CDYL2: variants seen among roughly 807,000 people sequenced by gnomAD.
The protein encoded by CDYL2 is chromodomain Y like 2, also known as chromodomain Y-like protein 2.
CDYL2 carries 23 observed loss-of-function variants against 49.4 expected under a neutral mutation model. The ratio of observed to expected loss-of-function variants is 0.47; its 90% CI spans 0.34 to 0.66. CDYL2 has a LOEUF of 0.66. CDYL2 is among the 30% of genes least tolerant of loss of function. The probability of loss-of-function intolerance (pLI) is 0.01; values close to 1 mark genes in which losing one functional copy is unlikely to be tolerated. For synonymous variants in CDYL2, 360 were observed against 268.8 expected, an observed-to-expected ratio of 1.34 and a Z score of -3.32; for missense variants, 678 against 656.4, an observed-to-expected ratio of 1.03 and a Z score of -0.36.
chr16:80,746,043 G>C (rs936110059), intron 1 of CDYL2, among the ~76,000 whole-genome samples: 2 of 152,158 alleles, frequency 1.3e-5, no homozygotes, highest in Non-Finnish European at 2.9e-5. Context: ...CCACACACAG[G>C]TCCTTGGAAT....
chr16:80,640,675 G>A (rs1376981085), intron 2 of CDYL2, among the ~76,000 whole-genome samples: 1 of 152,166 alleles, frequency 6.6e-6, no homozygotes, highest in Non-Finnish European at 1.5e-5. Context: ...TAGCTGTTCT[G>A]AGGAAACTCA....
At position 80,604,459 on chromosome 16, in the gene CDYL2, G is replaced by T. The variant is rs767402697; in HGVS notation, c.1450C>A (p.Gln484Lys). ...AGGCCTTTGGAGGAGCTCCAGAGCT[G>T]CTTGAGCATGAGGCATTCCTTCTCG... ...VNEKECLMLK[Q>K]LWSSSKGLDS... The change falls in exon 7 of 7, where the codon CAG becomes AAG. Residue 484 changes from glutamine (Q) to lysine (K), a missense_variant. Gln to Lys is a moderately conservative substitution (Grantham distance 53). Transcript: ENST00000570137. The T allele has an allele frequency of 6.2e-7, 1 of 1,614,172 alleles. No individual in the cohort carries two copies. The highest frequency in any genetic ancestry group is 8.5e-7 in the Non-Finnish European group (1 of 1,180,016).
rs553085600 is a variant in CDYL2 at position 80,735,415 on chromosome 16, T to C, written c.25-50286A>G. ...CTCTATGCATCAGTTTCCTCATCTG[T>C]AAAATGAAGTTAATAATAACCACGA... is the stretch of plus-strand genomic sequence containing the variant. On this transcript the variant is annotated intron_variant, in intron 1 of 6. Transcript: ENST00000570137. 3.3e-5 allele frequency among the ~76,000 whole-genome samples: 5 copies of C among 152,360 alleles called. No homozygotes were observed. The South Asian group carries it at 1.0e-3, about 32-fold the overall frequency.
intron 3 of CDYL2, 21 bp from the exon 4 acceptor site, chr16:80,620,956 G>A: frequency 6.3e-7 from 1 of 1,576,142 alleles, no homozygotes; most frequent in Non-Finnish European, 8.6e-7. Flanking sequence ...AGATGAATTT[G>A]CAGGGATGTT....
At chr16:80,705,500 G>A (rs896943817) in intron 1 of CDYL2, among the ~76,000 whole-genome samples, 2 of 152,266 alleles carry the variant, frequency 1.3e-5, no homozygotes, top group African/African-American at 4.8e-5. Context: ...TAGCCCAGCT[G>A]TAGAAGGCAC....
chr16:80,802,642 C>G (rs1907960471), intron 1 of CDYL2, among the ~76,000 whole-genome samples: 1 of 152,080 alleles, frequency 6.6e-6, no homozygotes, highest in Non-Finnish European at 1.5e-5. Context: ...CTAAGGTCTC[C>G]CACCCACCCC....
intron 2 of CDYL2, among the ~76,000 whole-genome samples, chr16:80,679,306 G>A (rs1353289728): frequency 1.3e-5 from 2 of 151,636 alleles, no homozygotes; most frequent in African/African-American, 4.9e-5. Flanking sequence ...AAACAAGGAG[G>A]GTGTCAAAGA....
intron 1 of CDYL2, among the ~76,000 whole-genome samples, chr16:80,723,349 C>T (rs939757331): frequency 1.1e-4 from 17 of 152,220 alleles, no homozygotes; most frequent in African/African-American, 4.1e-4. Context: ...GGGCTTGCAG[C>T]GCTGAGGAGC....
chr16:80,727,608 G>T (rs937665553), intron 1 of CDYL2, among the ~76,000 whole-genome samples: 2 of 152,236 alleles, frequency 1.3e-5, no homozygotes, highest in African/African-American at 4.8e-5. Flanking sequence ...AGCTCAAGGA[G>T]GCCTGCCTGC....
At chr16:80,786,429 A>G (rs1184342710) in intron 1 of CDYL2, among the ~76,000 whole-genome samples, 2 of 152,250 alleles carry the variant, frequency 1.3e-5, no homozygotes, top group Non-Finnish European at 2.9e-5. Context: ...ATCTCACGCC[A>G]GTTAGAATGT....
chr16:80,614,667 C>A (rs1233813125), intron 4 of CDYL2, among the ~76,000 whole-genome samples: 1 of 152,060 alleles, frequency 6.6e-6, no homozygotes, highest in Non-Finnish European at 1.5e-5. Flanking sequence ...AGTTCTAGAC[C>A]AGCCTGGCCA....
intron 1 of CDYL2, among the ~76,000 whole-genome samples, chr16:80,756,939 A>G (rs1461010724): frequency 2.0e-5 from 3 of 152,240 alleles, no homozygotes; most frequent in South Asian, 2.1e-4. Context: ...AAAATAGTCA[A>G]CTAAGACCAA....
intron 1 of CDYL2, among the ~76,000 whole-genome samples, chr16:80,791,801 A>G (rs922161153): frequency 2.0e-5 from 3 of 152,196 alleles, no homozygotes; most frequent in Non-Finnish European, 4.4e-5. Context: ...CTTATATATC[A>G]CTTAAAGGCA....
intron 1 of CDYL2, among the ~76,000 whole-genome samples, chr16:80,789,324 C>T (rs905673576): frequency 3.9e-5 from 6 of 152,152 alleles, no homozygotes; most frequent in African/African-American, 1.4e-4. Flanking sequence ...CCTGCGGGGC[C>T]AGGTGCGGTG....
At chr16:80,761,036 G>A (rs750117983) in intron 1 of CDYL2, among the ~76,000 whole-genome samples, 3 of 152,164 alleles carry the variant, frequency 2.0e-5, no homozygotes, top group South Asian at 2.1e-4. Context: ...AATGTAGAGC[G>A]TTGTTAATTG....
At chr16:80,684,034 G>A (rs926021041) in intron 2 of CDYL2, among the ~76,000 whole-genome samples, 1 of 152,208 alleles carries the variant, frequency 6.6e-6, no homozygotes, top group Non-Finnish European at 1.5e-5. Flanking sequence ...CACAGGCACT[G>A]GCGTGGTGAA....
intron 3 of CDYL2, among the ~76,000 whole-genome samples, chr16:80,628,874 C>G (rs1907423569): frequency 1.3e-5 from 2 of 152,092 alleles, no homozygotes; most frequent in Admixed American, 1.3e-4. Flanking sequence ...TAACAAGTCA[C>G]CCCACAAATA....
At chr16:80,659,118 T>C (rs1480558703) in intron 2 of CDYL2, among the ~76,000 whole-genome samples, 1 of 144,454 alleles carries the variant, frequency 6.9e-6, no homozygotes, top group African/African-American at 2.8e-5. Context: ...GATGGATGGA[T>C]GAACAGACAG....
chr16:80,776,862 G>A (rs966289004), intron 1 of CDYL2, among the ~76,000 whole-genome samples: 18 of 151,468 alleles, frequency 1.2e-4, no homozygotes, highest in African/African-American at 4.1e-4. Flanking sequence ...CTGTCGCCTA[G>A]GCTGGAGTGC....
Sources: gnomAD v4.1 joint callset for allele counts (sites outside exome capture counted in the v4.1 genomes callset) on GRCh38, gnomAD v4.1.1 for gene constraint, MANE v1.5 for transcripts, NCBI Gene and HGNC (gene_info 2026-07-23, HGNC 2026-07-21) for gene names.